The following IQCK variants were observed in gnomAD, a reference collection of about 807,000 sequenced individuals.
IQCK encodes IQ domain-containing protein K.
In IQCK, 29 loss-of-function variants were observed where a neutral mutation model predicts 28.1. That is an observed-to-expected ratio of 1.03 (90% CI 0.77 to 1.41). IQCK has a LOEUF of 1.41. Among genes scored for constraint, IQCK ranks in the 40% most tolerant of loss-of-function variants. The pLI, the probability that IQCK is intolerant of heterozygous loss-of-function variation, is 0.00. For synonymous variants in IQCK, 113 were observed against 115.1 expected (o/e 0.98, Z 0.12); for missense variants, 359 against 314.7 (o/e 1.14, Z -1.07).
chr16:19,735,964 G>C (rs985668352), intron 4 of IQCK: 1 of 381,732 alleles, frequency 2.6e-6, no homozygotes, highest in Non-Finnish European at 5.1e-6. Flanking sequence ...TACTCAAGAG[G>C]CTGAGGCAGG....
intron 1 of IQCK, among the ~76,000 whole-genome samples, chr16:19,719,414 C>A (rs1229557899): frequency 6.6e-6 from 1 of 151,654 alleles, no homozygotes; most frequent in Non-Finnish European, 1.5e-5. Context: ...GGTGAAACCC[C>A]GTCTCTACTG....
chr16:19,723,133 G>A (rs1267780615), intron 1 of IQCK, among the ~76,000 whole-genome samples: 1 of 112,678 alleles, frequency 8.9e-6, no homozygotes, highest in African/African-American at 3.5e-5. Flanking sequence ...CAGTCTTCAT[G>A]TCTGCTGCCT....
intron 6 of IQCK, among the ~76,000 whole-genome samples, chr16:19,786,024 G>A (rs2055557537): frequency 6.6e-6 from 1 of 152,196 alleles, no homozygotes; most frequent in Non-Finnish European, 1.5e-5. Flanking sequence ...AGGCTGCTGG[G>A]AGGGGATCCA....
At chr16:19,719,701 A>G (rs1034986706) in intron 1 of IQCK, among the ~76,000 whole-genome samples, 15 of 125,230 alleles carry the variant, frequency 1.2e-4, no homozygotes, top group African/African-American at 4.7e-4. Flanking sequence ...TTGAGACGGC[A>G]TGTTGCTCTG....
At chr16:19,751,980 G>T (rs1396271430) in intron 4 of IQCK, among the ~76,000 whole-genome samples, 1 of 152,180 alleles carries the variant, frequency 6.6e-6, no homozygotes, top group Non-Finnish European at 1.5e-5. Context: ...AATCAACTGT[G>T]CAATTGTTAA....
intron 6 of IQCK, among the ~76,000 whole-genome samples, chr16:19,768,015 CTTT>C (rs755206514): frequency 7.6e-6 from 1 of 131,730 alleles, no homozygotes; most frequent in Non-Finnish European, 1.7e-5. Flanking sequence ...TTTTTTTTTG[CTTT>C]TTTTTTTTTT....
chr16:19,800,821 CTG>C (rs1195065376), intron 7 of IQCK, among the ~76,000 whole-genome samples: 2 of 108,292 alleles, frequency 1.8e-5, no homozygotes, highest in Admixed American at 8.1e-5. Flanking sequence ...TTTATTCTCT[CTG>C]TTTTATATTT....
At chr16:19,847,113 T>G (rs1460805222) in intron 9 of IQCK, among the ~76,000 whole-genome samples, 1 of 152,176 alleles carries the variant, frequency 6.6e-6, no homozygotes, top group Non-Finnish European at 1.5e-5. Flanking sequence ...GAGGATAGCA[T>G]CTACCTCCCA....
chr16:19,776,208 A>T (rs2055392914), intron 6 of IQCK, among the ~76,000 whole-genome samples: 1 of 152,074 alleles, frequency 6.6e-6, no homozygotes, highest in African/African-American at 2.4e-5. Flanking sequence ...GAAAGAACTG[A>T]GGCAGAGAGA....
At chr16:19,720,603 G>A (rs1977463143) in intron 1 of IQCK, among the ~76,000 whole-genome samples, 1 of 152,222 alleles carries the variant, frequency 6.6e-6, no homozygotes, top group Non-Finnish European at 1.5e-5. Context: ...CATGCCTTGT[G>A]TTGTGATTTA....
At chr16:19,833,978 C>T (rs1160859166) in intron 9 of IQCK, among the ~76,000 whole-genome samples, 2 of 152,096 alleles carry the variant, frequency 1.3e-5, no homozygotes, top group Non-Finnish European at 2.9e-5. Flanking sequence ...GTCCCAGCTA[C>T]TCAGGAAGCT....
intron 6 of IQCK, among the ~76,000 whole-genome samples, chr16:19,774,622 C>T (rs2055365799): frequency 6.6e-6 from 1 of 152,022 alleles, no homozygotes; most frequent in Admixed American, 6.6e-5. Context: ...CCTTGGCCTT[C>T]CAAAGTGCTG....
chr16:19,727,377 A>T (rs542557000), intron 1 of IQCK, among the ~76,000 whole-genome samples: 1 of 152,212 alleles, frequency 6.6e-6, no homozygotes, highest in East Asian at 1.9e-4. Context: ...GCCTGAGCTT[A>T]GGAGTTCGAG....
intron 7 of IQCK, among the ~76,000 whole-genome samples, chr16:19,820,516 G>A (rs1257907873): frequency 6.6e-6 from 1 of 152,242 alleles, no homozygotes; most frequent in Middle Eastern, 3.4e-3. Context: ...GGGCGCAGGG[G>A]CGGGCGCCTG....
chr16:19,801,489 G>A (rs2151739293), intron 7 of IQCK, among the ~76,000 whole-genome samples: 1 of 140,824 alleles, frequency 7.1e-6, no homozygotes, highest in African/African-American at 3.0e-5. Context: ...ATTTTTTGTA[G>A]AGATGGGGTT....
intron 4 of IQCK, among the ~76,000 whole-genome samples, chr16:19,740,923 G>A (rs1285746110): frequency 3.3e-5 from 5 of 150,810 alleles, no homozygotes; most frequent in East Asian, 2.0e-4. Context: ...AGCCAAGATC[G>A]TGCCACTGCA....
At chr16:19,847,114 C>A (rs1170174915) in intron 9 of IQCK, among the ~76,000 whole-genome samples, 1 of 152,174 alleles carries the variant, frequency 6.6e-6, no homozygotes, top group African/African-American at 2.4e-5. Flanking sequence ...AGGATAGCAT[C>A]TACCTCCCAG....
intron 7 of IQCK, among the ~76,000 whole-genome samples, chr16:19,805,083 A>G (rs1567563754): frequency 6.6e-6 from 1 of 152,056 alleles, no homozygotes; most frequent in Non-Finnish European, 1.5e-5. Context: ...GTGTGAGCTC[A>G]TTAGCCCTGT....
exon 4 of IQCK, chr16:19,735,362 A>T (rs1977979532): frequency 6.2e-7 from 1 of 1,613,518 alleles, no homozygotes; most frequent in Admixed American, 1.7e-5. Flanking sequence ...GGTTCTCCCA[A>T]AGAATATTTG....
Sources: gnomAD v4.1 joint callset for allele counts (sites outside exome capture counted in the v4.1 genomes callset) on GRCh38, gnomAD v4.1.1 for gene constraint, MANE v1.5 for transcripts, NCBI Gene and HGNC (gene_info 2026-07-23, HGNC 2026-07-21) for gene names.